Variants in PFKP observed in about 807,000 individuals in gnomAD.
PFKP encodes ATP-dependent 6-phosphofructokinase, platelet type.
PFKP carries 101 observed loss-of-function variants against 94.3 expected under a neutral mutation model. The ratio of observed to expected loss-of-function variants is 1.07; its 90% CI spans 0.91 to 1.26. The LOEUF (loss-of-function observed/expected upper bound fraction) is 1.26. Among genes scored for constraint, PFKP ranks in the 50% most tolerant of loss-of-function variants. The probability of loss-of-function intolerance (pLI) is 0.00; values close to 1 mark genes in which losing one functional copy is unlikely to be tolerated. For synonymous variants in PFKP, 573 were observed against 432.6 expected, an observed-to-expected ratio of 1.32 and a Z score of -4.03; for missense variants, 1,145 against 1,103.3, an observed-to-expected ratio of 1.04 and a Z score of -0.53.
At chr10:3,074,089 C>T (rs1371624242) in intron 1 of PFKP, among the ~76,000 whole-genome samples, 1 of 152,212 alleles carries the variant, frequency 6.6e-6, no homozygotes, top group East Asian at 1.9e-4. Flanking sequence ...ATCCACCTGC[C>T]TTGGCCTCCC....
At chr10:3,112,815 G>A (rs9804296) in intron 11 of PFKP, among the ~76,000 whole-genome samples, 101,234 of 152,122 alleles carry the variant, frequency 0.67, 35,084 homozygotes, top group East Asian at 0.9. Context: ...TGATTCACCC[G>A]CCTCAGCCTC....
chr10:3,109,094 A>T (rs1234090785), intron 9 of PFKP, among the ~76,000 whole-genome samples: 1 of 152,196 alleles, frequency 6.6e-6, no homozygotes, highest in Non-Finnish European at 1.5e-5. Flanking sequence ...GTTTCTGGAA[A>T]CTGACTCAGG....
chr10:3,106,214 G>C (rs1163991706), intron 7 of PFKP, among the ~76,000 whole-genome samples: 2 of 150,950 alleles, frequency 1.3e-5, no homozygotes, highest in African/African-American at 2.4e-5. Flanking sequence ...AGAAAGCATG[G>C]CGTGCACGGG....
Position 3,132,421 on chromosome 10 carries a change from C to A in PFKP, c.1890C>A (p.Ile630=), listed in dbSNP as rs761552285. The A allele has an allele frequency of 2.5e-6, 4 of 1,611,096 alleles. No homozygotes were observed. In the South Asian group the frequency reaches 4.4e-5, roughly 18 times the overall value. The change falls in exon 18 of 22, where the codon ATC becomes ATA. Residue 630 remains isoleucine (I), a synonymous_variant. Coordinates refer to ENST00000381125, the MANE Select transcript of PFKP (RefSeq NM_002627.5). Reference sequence around the variant, plus strand: ...TGACGGAGAAAATGAAGACCACCATCCAGAGAGGCCTTGTGCTCAGGTGAG... The same window carrying A: ...TGACGGAGAAAATGAAGACCACCATACAGAGAGGCCTTGTGCTCAGGTGAG... ...EHLTEKMKTT[I]QRGLVLRNES...
chr10:3,133,087 G>T, intron 18 of PFKP, 116 bp from the exon 19 acceptor site: 1 of 745,142 alleles, frequency 1.3e-6, no homozygotes, highest in Non-Finnish European at 2.4e-6. Flanking sequence ...TGTTGATGTA[G>T]AATCACCATA....
chr10:3,133,258 G>A lies in PFKP; in HGVS notation c.1966G>A (p.Glu656Lys), dbSNP rs761988879. Residue 656 changes from glutamate to lysine, a missense_variant, in exon 19 of 22, where the codon GAA becomes AAA. Coordinates refer to ENST00000381125, the MANE Select transcript of PFKP (RefSeq NM_002627.5). ...CGACTTCATTTACCAGCTGTATTCA[G>A]AAGAGGGCAAAGGCGTGTTTGACTG... ...TTDFIYQLYSEEGKGVFDCRK... is the reference protein window; with the variant it reads ...TTDFIYQLYSKEGKGVFDCRK... 3 of 1,614,202 alleles carry A rather than the reference G, an allele frequency of 1.9e-6. No individual in the cohort carries two copies. Among genetic ancestry groups the A allele is most frequent in the Non-Finnish European group, 2.5e-6 (3 of 1,180,008 alleles).
Position 3,108,803 on chromosome 10 carries a change from G to A in PFKP, c.963+10G>A. 1 of 1,585,012 alleles carries A rather than the reference G, an allele frequency of 6.3e-7. No homozygotes were observed. The highest frequency in any genetic ancestry group is 8.7e-7 in the Non-Finnish European group (1 of 1,153,502). On this transcript the variant is annotated intron_variant, in intron 9 of 21. Coordinates refer to ENST00000381125, the MANE Select transcript of PFKP (RefSeq NM_002627.5). ...ATTCGACAGGATCTTGGTGAGTTGG[G>A]AAGGGTTGGGCATCTTCACAAGGTC... is the stretch of plus-strand genomic sequence containing the variant.
intron 17 of PFKP, among the ~76,000 whole-genome samples, chr10:3,131,991 G>A (rs1838640556): frequency 6.6e-6 from 1 of 152,122 alleles, no homozygotes; most frequent in African/African-American, 2.4e-5. Flanking sequence ...GCCGTCACAT[G>A]AGATTCCATA....
chr10:3,077,281 G>A (rs367777121), intron 1 of PFKP, among the ~76,000 whole-genome samples: 1 of 23,726 alleles, frequency 4.2e-5, no homozygotes, highest in Non-Finnish European at 1.0e-4. Flanking sequence ...TTTTTTTTTT[G>A]AGATGGAATC....
chr10:3,079,684 A>AGGGGGGGGGGGG (rs1832895522), intron 1 of PFKP, among the ~76,000 whole-genome samples: 1 of 93,060 alleles, frequency 1.1e-5, no homozygotes, highest in Admixed American at 1.2e-4. Context: ...GAAGAGGAGC[A>AGGGGGGGGGGGG]GGGGTGAGGG....
At chr10:3,122,840 T>G (rs1388470914) in intron 16 of PFKP, among the ~76,000 whole-genome samples, 1 of 152,022 alleles carries the variant, frequency 6.6e-6, no homozygotes, top group African/African-American at 2.4e-5. Context: ...TCCAGGGAGG[T>G]TTCTGGTTAG....
intron 16 of PFKP, among the ~76,000 whole-genome samples, chr10:3,121,585 T>G (rs1392934422): frequency 9.2e-5 from 8 of 86,942 alleles, no homozygotes; most frequent in East Asian, 3.3e-4. Context: ...ATAACTGTTT[T>G]TTTTTTTTTT....
chr10:3,094,697 C>T (rs115103635), intron 2 of PFKP, among the ~76,000 whole-genome samples: 6 of 152,318 alleles, frequency 3.9e-5, no homozygotes, highest in African/African-American at 7.2e-5. Flanking sequence ...CTCTCTTTCT[C>T]GCACACCTAG....
intron 14 of PFKP, 151 bp downstream of exon 14, chr10:3,116,997 G>T: frequency 1.4e-6 from 1 of 694,318 alleles, no homozygotes; most frequent in East Asian, 2.6e-5. Context: ...CCTCCCTCCA[G>T]TGGAACTGCC....
chr10:3,102,869 C>G (rs1384983674), intron 4 of PFKP, among the ~76,000 whole-genome samples: 1 of 152,264 alleles, frequency 6.6e-6, no homozygotes. Context: ...TTGGAAGCAG[C>G]CAGGCCTCAC....
At chr10:3,136,248 AGC>A (rs1839310210) in intron 21 of PFKP, among the ~76,000 whole-genome samples, 200 bp from the exon 22 acceptor site, 1 of 152,142 alleles carries the variant, frequency 6.6e-6, no homozygotes, top group Non-Finnish European at 1.5e-5. Flanking sequence ...CTGGCGACAG[AGC>A]GAGACTCCAC....
intron 16 of PFKP, among the ~76,000 whole-genome samples, chr10:3,121,467 C>T (rs1239128374): frequency 6.6e-6 from 1 of 152,160 alleles, no homozygotes; most frequent in Non-Finnish European, 1.5e-5. Flanking sequence ...TCTTTTTTCC[C>T]TAATTGTTAC....
chr10:3,082,585 C>T (rs1214716692), intron 2 of PFKP, 124 bp downstream of exon 2: 4 of 550,850 alleles, frequency 7.3e-6, no homozygotes, highest in Non-Finnish European at 9.2e-6. Flanking sequence ...GGCAGGGGAG[C>T]AAGATCCTGC....
chr10:3,115,790 G>T (rs74451751), intron 13 of PFKP, among the ~76,000 whole-genome samples: 23 of 152,108 alleles, frequency 1.5e-4, no homozygotes, highest in Admixed American at 1.3e-4. Context: ...TCCTCAGGGC[G>T]CCATTGTTAA....
Sources: gnomAD v4.1 joint callset for allele counts (sites outside exome capture counted in the v4.1 genomes callset) on GRCh38, gnomAD v4.1.1 for gene constraint, MANE v1.5 for transcripts, NCBI Gene and HGNC (gene_info 2026-07-23, HGNC 2026-07-21) for gene names.